CYP2A6: variants seen among roughly 807,000 people sequenced by gnomAD.
CYP2A6 encodes the protein cytochrome P450 family 2 subfamily A member 6.
Under a neutral mutation model 42.3 loss-of-function variants are expected in CYP2A6, and 27 were observed. The ratio of observed to expected loss-of-function variants is 0.64; its 90% CI spans 0.47 to 0.88. The LOEUF is 0.88. CYP2A6 is among the 40% of genes least tolerant of loss of function. The pLI, the probability that CYP2A6 is intolerant of heterozygous loss-of-function variation, is 0.00. For synonymous variants in CYP2A6, 238 were observed against 246.3 expected (o/e 0.97, Z 0.31); for missense variants, 628 against 646.0 (o/e 0.97, Z 0.30).
At position 40,844,695 on chromosome 19, in the gene CYP2A6, G is replaced by A. The variant is rs143336165; in HGVS notation, c.1239C>T (p.Pro413=). 5.7e-4 allele frequency: 922 copies of A among 1,611,738 alleles called. 75 individuals are homozygous for A. In the East Asian group the frequency reaches 0.012, roughly 22 times the overall value. ...SFFSNPQDFN[P]QHFLNEKGQF... Reference sequence around the variant, plus strand: ...GCCCCTTCTCATTCAGGAAGTGCTGGGGATTGAAGTCCTGGGGGTTGGAGA... The same window carrying A: ...GCCCCTTCTCATTCAGGAAGTGCTGAGGATTGAAGTCCTGGGGGTTGGAGA... Residue 413 remains proline (P), a synonymous_variant, in exon 8 of 9, where the codon CCC becomes CCT. Transcript: ENST00000301141.
intron 4 of CYP2A6, 75 bp from the exon 5 acceptor site, chr19:40,847,126 T>C (rs1468286998): frequency 1.3e-6 from 2 of 1,554,082 alleles, no homozygotes; most frequent in East Asian, 4.8e-5. Context: ...TGGGATTTGT[T>C]TCATAGCAAG....
rs558145012 is a variant in CYP2A6, at chr19:40,850,320, C to G, written c.107G>C (p.Gly36Ala). 1.2e-6 allele frequency: 2 copies of G among 1,610,038 alleles called. No homozygotes were observed. The highest frequency in any genetic ancestry group is 2.7e-5 in the African/African-American group (2 of 74,632). The change falls in exon 1 of 9, where the codon GGA becomes GCA. Residue 36 changes from glycine to alanine, a missense_variant. This residue lies in a region of CYP2A6 where 606 missense variants were observed against 568.1 expected (regional missense o/e 1.07). Coordinates refer to ENST00000301141, the MANE Select transcript of CYP2A6 (RefSeq NM_000762.6). ...TCCAATGAAGGGCAATGGGGTGGGT[C>G]CCGGAGGCAGCTTCCCCTTGCTCTT... ...QRKSKGKLPP[G>A]PTPLPFIGNY... is the part of the protein sequence containing the mutation.
intron 8 of CYP2A6, among the ~76,000 whole-genome samples, chr19:40,844,225 G>A (rs1393945615): frequency 6.6e-6 from 1 of 151,322 alleles, no homozygotes. Context: ...TTTACTCTGT[G>A]TTATACAGTT....
chr19:40,847,259 A>G (rs906636519), intron 4 of CYP2A6, among the ~76,000 whole-genome samples: 2 of 151,572 alleles, frequency 1.3e-5, no homozygotes, highest in African/African-American at 4.9e-5. Context: ...AATTTAGGTG[A>G]GAAGAACTGA....
rs777681590 is a variant in CYP2A6, at chr19:40,849,864, G to A, written c.297C>T (p.Ser99=). Residue 99 remains serine (S), a synonymous_variant, in exon 2 of 9, where the codon AGC becomes AGT. Transcript: ENST00000301141. ...EALVDQAEEF[S]GRGEQATFDW... ...CGAAGGTGGCTTGCTCGCCTCGCCC[G>A]CTGAACTCCTCAGCCTGGTCCACCA... 37 of 1,611,242 alleles carry A rather than the reference G, an allele frequency of 2.3e-5. No homozygotes were observed. The highest frequency in any genetic ancestry group is 3.3e-5 in the South Asian group (3 of 90,890).
chr19:40,846,102 A>G lies in CYP2A6; in HGVS notation c.832-5T>C, dbSNP rs559104970. On this transcript the variant is annotated splice_region_variant and splice_polypyrimidine_tract_variant and intron_variant, in intron 5 of 8. Coordinates refer to ENST00000301141, the MANE Select transcript of CYP2A6 (RefSeq NM_000762.6). The stretch of plus-strand genomic sequence containing the variant: ...CGTGTTGGGGTTCTTCTCCTCCTGC[A>G]GGGAGAGGGGGCTTTAGGCCAACCT... 3.7e-6 allele frequency: 6 copies of G among 1,611,306 alleles called. No individual in the cohort carries two copies. In the African/African-American group the frequency reaches 6.7e-5, roughly 18 times the overall value.
chr19:40,848,693 G>A lies in CYP2A6; in HGVS notation c.414C>T (p.Phe138=), dbSNP rs894348428. ...RRFSIATLRD[F]GVGKRGIEER... ...CCTCGATGCCTCGCTTGCCCACCCC[G>A]AAGTCCCGCAGGGTGGCGATGGAGA... The change falls in exon 3 of 9, where the codon TTC becomes TTT. Residue 138 remains phenylalanine (F), a synonymous_variant. Transcript: ENST00000301141. The A allele has an allele frequency of 2.1e-5, 34 of 1,611,834 alleles. No homozygotes were observed. Among genetic ancestry groups the A allele is most frequent in the Non-Finnish European group, 2.8e-5 (33 of 1,179,904 alleles).
At chr19:40,848,120 G>T in intron 4 of CYP2A6, 99 bp downstream of exon 4, 7 of 1,568,088 alleles carry the variant, frequency 4.5e-6, no homozygotes, top group Non-Finnish European at 6.1e-6. Flanking sequence ...AGGGGACACT[G>T]TCTGGAGGGC....
chr19:40,846,969 T>G lies in CYP2A6; in HGVS notation c.737A>C (p.Asp246Ala), dbSNP rs892532822. ...QAFQLLQGLEDFIAKKVEHNQ... is the reference protein window; with the variant it reads ...QAFQLLQGLEAFIAKKVEHNQ... ...GTGCTCCACCTTCTTGGCTATGAAGTCCTCCAGCCCTTGCAGCAACTGAAA... is the reference window on the plus strand; with the variant it reads ...GTGCTCCACCTTCTTGGCTATGAAGGCCTCCAGCCCTTGCAGCAACTGAAA... The change falls in exon 5 of 9, where the codon GAC (aspartate) becomes GCC (alanine). Residue 246 changes from aspartate (D) to alanine (A), a missense_variant. Asp to Ala is a moderately radical substitution (Grantham distance 126, BLOSUM62 -2). This residue lies in a region of CYP2A6 where 606 missense variants were observed against 568.1 expected (regional missense o/e 1.07). Coordinates refer to ENST00000301141, the MANE Select transcript of CYP2A6 (RefSeq NM_000762.6). 2 of 1,611,972 alleles carry G rather than the reference T, an allele frequency of 1.2e-6. No homozygotes were observed. Among genetic ancestry groups the G allele is most frequent in the Non-Finnish European group, 1.7e-6 (2 of 1,179,926 alleles).
chr19:40,845,376 T>G lies in CYP2A6; in HGVS notation c.1079A>C (p.Gln360Pro). The G allele has an allele frequency of 6.2e-7, 1 of 1,611,778 alleles. No individual in the cohort carries two copies. Among genetic ancestry groups the G allele is most frequent in the East Asian group, 2.3e-5 (1 of 43,392 alleles). ...PYMEAVIHEI[Q>P]RFGDVIPMSL... ...CATGGGGATCACGTCTCCAAATCTT[T>G]GGATCTCGTGGATCACTGCCTCCAT... is the stretch of plus-strand genomic sequence containing the variant. The change falls in exon 7 of 9, where the codon CAA becomes CCA. Residue 360 changes from glutamine (Q) to proline (P), a missense_variant. By Grantham distance (76) the Gln-to-Pro change is moderately conservative. Transcript: ENST00000301141.
intron 6 of CYP2A6, 41 bp from the exon 7 acceptor site, chr19:40,845,522 T>A: frequency 1.2e-6 from 2 of 1,606,128 alleles, no homozygotes; most frequent in Non-Finnish European, 1.7e-6. Flanking sequence ...TCTAGGGGTC[T>A]CAGAGCAGGA....
rs1362806596 is a variant in CYP2A6, at chr19:40,848,997, AGAGAGAGAGAGAGAAGAGAGAGAG to A, written c.344-258_344-235del. ...GAGAGAAGAGAGAGAGGAGAGAGAG[AGAGAGAGAGAGAGAAGAGAGAGAG>A]GAGAGAGAGAGAGAAGAGAGAGAGG... On this transcript the variant is annotated intron_variant, in intron 2 of 8. Coordinates refer to ENST00000301141, the MANE Select transcript of CYP2A6 (RefSeq NM_000762.6). 7.3e-4 allele frequency among the ~76,000 whole-genome samples: 84 copies of A among 114,532 alleles called. 3 individuals carry two copies. The highest frequency in any genetic ancestry group is 4.7e-3 in the Middle Eastern group (1 of 212). The allele number at this position is 114,532 out of a possible 152,430, so 75.1% of individuals were successfully genotyped here. A position where few individuals can be genotyped will look rare whatever the true frequency, so the allele number is the denominator to read the frequency against.
chr19:40,848,810 G>A (rs766451253), intron 2 of CYP2A6, 47 bp from the exon 3 acceptor site: 2 of 1,571,208 alleles, frequency 1.3e-6, no homozygotes, highest in Admixed American at 1.8e-5. Flanking sequence ...GGGCGGCAGG[G>A]GCAGGAGCGG....
Position 40,850,285 on chromosome 19 carries a change from G to A in CYP2A6, c.142C>T (p.Gln48Ter). 6.2e-7 allele frequency: 1 copy of A among 1,610,124 alleles called. No individual in the cohort carries two copies. The highest frequency in any genetic ancestry group is 8.5e-7 in the Non-Finnish European group (1 of 1,178,798). The change falls in exon 1 of 9, where the codon CAG becomes TAG. Residue 48 changes from glutamine (Q) to a stop codon, truncating the protein, a stop_gained. Coordinates refer to ENST00000301141, the MANE Select transcript of CYP2A6 (RefSeq NM_000762.6). LOFTEE classifies it high-confidence loss of function. ...TTGTACATCTGCTCTGTGTTCAGCT[G>A]CAGGTAGTTTCCAATGAAGGGCAAT... ...TPLPFIGNYL[Q>*]LNTEQMYNSL... is the part of the protein sequence containing the mutation.
chr19:40,845,629 C>A, intron 6 of CYP2A6, 148 bp from the exon 7 acceptor site: 2 of 1,371,030 alleles, frequency 1.5e-6, no homozygotes, highest in South Asian at 1.5e-5. Context: ...CAGCCATTCG[C>A]ATTGTTGGAG....
chr19:40,843,720 C>T lies in CYP2A6; in HGVS notation c.*76G>A, dbSNP rs1003063000. On this transcript the variant is annotated 3_prime_UTR_variant, in exon 9 of 9. Transcript: ENST00000301141. ...ATCCTGCCCCCAGTCTTAGCTGCGC[C>T]CCTCTCCCAAGCCCGGTCTTGGCCC... The T allele has an allele frequency of 5.9e-6, 8 of 1,365,910 alleles. 1 individual carries two copies. The African/African-American group carries it at 1.1e-4, about 20-fold the overall frequency. 84.6% of individuals were successfully genotyped at this position (1,365,910 alleles called of 1,614,324 possible).
rs537939928 is a variant in CYP2A6 at position 40,847,700 on chromosome 19, G to C, written c.654+519C>G. ...TGTGTTTAAGGTGTTGGTTAGGGCA[G>C]CTGTCCATGTTTTCAGGTATTTAAG... is the stretch of plus-strand genomic sequence containing the variant. On this transcript the variant is annotated intron_variant, in intron 4 of 8. Transcript: ENST00000301141. 9.2e-5 allele frequency among the ~76,000 whole-genome samples: 14 copies of C among 151,692 alleles called. 1 individual carries two copies. Among genetic ancestry groups the C allele is most frequent in the Admixed American group, 1.3e-4 (2 of 15,272 alleles).
In CYP2A6 at chr19:40,843,567, C is replaced by G. The variant is rs192752442; in HGVS notation, c.*229G>C. 6.7e-4 allele frequency: 492 copies of G among 736,922 alleles called. 3 individuals carry two copies. The highest frequency in any genetic ancestry group is 9.3e-4 in the Non-Finnish European group (434 of 468,082). 45.6% of individuals were successfully genotyped at this position (736,922 alleles called of 1,614,324 possible). ...CAGGAAATAAGAGCTGCTATTATTACTACTCTTCATAGCATAATGTAAGGG... is the reference window on the plus strand; with the variant it reads ...CAGGAAATAAGAGCTGCTATTATTAGTACTCTTCATAGCATAATGTAAGGG... On this transcript the variant is annotated 3_prime_UTR_variant, in exon 9 of 9. Coordinates refer to ENST00000301141, the MANE Select transcript of CYP2A6 (RefSeq NM_000762.6).
At position 40,843,719 on chromosome 19, in the gene CYP2A6, C is replaced by A; in HGVS notation, c.*77G>T. The A allele has an allele frequency of 2.3e-5, 31 of 1,364,154 alleles. 9 individuals carry two copies. The highest frequency in any genetic ancestry group is 2.9e-5 in the Non-Finnish European group (30 of 1,020,176). 84.5% of individuals were successfully genotyped at this position (1,364,154 alleles called of 1,614,324 possible). A position where few individuals can be genotyped will look rare whatever the true frequency, so the allele number is the denominator to read the frequency against. ...CATCCTGCCCCCAGTCTTAGCTGCG[C>A]CCCTCTCCCAAGCCCGGTCTTGGCC... On this transcript the variant is annotated 3_prime_UTR_variant, in exon 9 of 9. Coordinates refer to ENST00000301141, the MANE Select transcript of CYP2A6 (RefSeq NM_000762.6).
Sources: allele counts gnomAD v4.1 joint callset (sites outside exome capture counted in the v4.1 genomes callset), GRCh38; gene constraint gnomAD v4.1.1; regional missense constraint gnomAD v4.1.1; transcripts MANE v1.5; gene names NCBI Gene and HGNC (gene_info 2026-07-23, HGNC 2026-07-21).